Variants in MIGA1 observed in about 807,000 individuals in gnomAD.
MIGA1 encodes family with sequence similarity 73, member A.
In MIGA1, 58 loss-of-function variants were observed where a neutral mutation model predicts 82.0. That is an observed-to-expected ratio of 0.71 (90% CI 0.57 to 0.88). The LOEUF (loss-of-function observed/expected upper bound fraction) is 0.88, where lower values mean the gene tolerates loss of function less well. MIGA1 is among the 40% of genes least tolerant of loss of function. The pLI, the probability that MIGA1 is intolerant of heterozygous loss-of-function variation, is 0.00. For missense variants in MIGA1, 751 were observed against 749.1 expected (o/e 1.00, Z -0.03); for synonymous variants, 249 against 253.6 (o/e 0.98, Z 0.17).
intron 7 of MIGA1, among the ~76,000 whole-genome samples, chr1:77,817,694 A>G (rs1462878490): frequency 6.6e-6 from 1 of 152,198 alleles, no homozygotes; most frequent in Non-Finnish European, 1.5e-5. Context: ...ACATTGATCA[A>G]AATTGCCTAG....
intron 7 of MIGA1, among the ~76,000 whole-genome samples, chr1:77,834,823 G>A (rs935245967): frequency 5.3e-5 from 8 of 152,162 alleles, no homozygotes; most frequent in African/African-American, 1.7e-4. Context: ...CTTTTCCATT[G>A]TTAATAAAAG....
At chr1:77,857,975 G>A (rs1447421195) in intron 8 of MIGA1, among the ~76,000 whole-genome samples, 1 of 152,068 alleles carries the variant, frequency 6.6e-6, no homozygotes, top group African/African-American at 2.4e-5. Flanking sequence ...TATAATACTT[G>A]TAAGTAATCT....
At chr1:77,871,073 G>A (rs76386311) in intron 14 of MIGA1, among the ~76,000 whole-genome samples, 3 of 140,048 alleles carry the variant, frequency 2.1e-5, no homozygotes, top group Non-Finnish European at 3.1e-5. Context: ...GAGGGAGACC[G>A]TGGAAGGAGA....
intron 8 of MIGA1, among the ~76,000 whole-genome samples, chr1:77,853,196 TA>T (rs1472291327): frequency 2.0e-5 from 3 of 152,136 alleles, no homozygotes; most frequent in Non-Finnish European, 2.9e-5. Flanking sequence ...TGAAAATGGA[TA>T]AAAGACTTGC....
intron 7 of MIGA1, among the ~76,000 whole-genome samples, chr1:77,834,020 T>A (rs1684338106): frequency 6.6e-6 from 1 of 152,252 alleles, no homozygotes; most frequent in African/African-American, 2.4e-5. Context: ...CAGAGACAAC[T>A]ATTGTGGAAA....
At chr1:77,827,005 C>T (rs1214061254) in intron 7 of MIGA1, among the ~76,000 whole-genome samples, 1 of 148,102 alleles carries the variant, frequency 6.8e-6, no homozygotes, top group Admixed American at 6.8e-5. Context: ...TGGGATTTCA[C>T]CATGTTGGCC....
chr1:77,859,993 C>T, intron 10 of MIGA1, 47 bp from the exon 11 acceptor site: 7 of 1,237,084 alleles, frequency 5.7e-6, no homozygotes, highest in South Asian at 2.6e-5. Context: ...TGTCCATTCA[C>T]ATTCATTATA....
At chr1:77,844,296 A>C in intron 8 of MIGA1, among the ~76,000 whole-genome samples, 1 of 74,064 alleles carries the variant, frequency 1.4e-5, no homozygotes, top group Non-Finnish European at 4.4e-5. Flanking sequence ...AAAGCTATAA[A>C]CATGTTTCCA....
At chr1:77,805,211 G>A (rs999765453) in intron 4 of MIGA1, among the ~76,000 whole-genome samples, 1 of 151,672 alleles carries the variant, frequency 6.6e-6, no homozygotes, top group Admixed American at 6.6e-5. Flanking sequence ...TAGCCAGGAT[G>A]GTCTTGATCT....
chr1:77,873,128 C>T lies in MIGA1; in HGVS notation c.1680+8C>T. The T allele has an allele frequency of 1.2e-6, 2 of 1,606,592 alleles. 1 individual carries two copies. Among genetic ancestry groups the T allele is most frequent in the South Asian group, 2.2e-5 (2 of 89,996 alleles). ...TTATGTTGCTTTTTTAAGGTATGTT[C>T]AGTCATTGAATCATTTCTCTTTTTT... On this transcript the variant is annotated splice_region_variant and intron_variant, in intron 15 of 15. Coordinates refer to ENST00000370791, the MANE Select transcript of MIGA1 (RefSeq NM_198549.4).
intron 5 of MIGA1, chr1:77,811,559 C>T: frequency 6.2e-7 from 1 of 1,610,400 alleles, no homozygotes; most frequent in Admixed American, 1.7e-5. Context: ...TGTAAAGCTG[C>T]ACTTCGCAAT....
chr1:77,808,708 AAAAC>A (rs1289851211), intron 5 of MIGA1, among the ~76,000 whole-genome samples: 1 of 152,204 alleles, frequency 6.6e-6, no homozygotes, highest in Non-Finnish European at 1.5e-5. Context: ...TACTAAATAA[AAAAC>A]AAAACCAGTA....
Position 77,872,877 on chromosome 1 carries a change from G to A in MIGA1, c.1564-127G>A. On this transcript the variant is annotated intron_variant, in intron 14 of 15. Transcript: ENST00000370791. ...GAGTTTGAGGTGTTGCTAGACTCTG[G>A]TTCTAAAAAACAAATTTTCTTAAAC... 3 of 1,208,054 alleles carry A rather than the reference G, an allele frequency of 2.5e-6. No individual in the cohort carries two copies. In the South Asian group the frequency reaches 3.8e-5, roughly 16 times the overall value. The allele number at this position is 1,208,054 out of a possible 1,614,324, so 74.8% of individuals were successfully genotyped here.
At chr1:77,832,042 T>C (rs1021855087) in intron 7 of MIGA1, among the ~76,000 whole-genome samples, 1 of 152,236 alleles carries the variant, frequency 6.6e-6, no homozygotes, top group African/African-American at 2.4e-5. Context: ...GTAGTTACAC[T>C]TCCTGTGAAG....
At chr1:77,872,875 T>C in intron 14 of MIGA1, 129 bp from the exon 15 acceptor site, 3 of 1,141,512 alleles carry the variant, frequency 2.6e-6, no homozygotes, top group South Asian at 2.6e-5. Flanking sequence ...TGCTAGACTC[T>C]GGTTCTAAAA....
At chr1:77,850,950 A>G (rs1435571370) in intron 8 of MIGA1, among the ~76,000 whole-genome samples, 1 of 151,460 alleles carries the variant, frequency 6.6e-6, no homozygotes. Context: ...CCTCACTGCA[A>G]CCTCTACCTC....
At chr1:77,841,807 CT>C (rs879895524) in intron 7 of MIGA1, among the ~76,000 whole-genome samples, 52 of 142,748 alleles carry the variant, frequency 3.6e-4, no homozygotes, top group East Asian at 4.1e-4. Context: ...TTTTTTCTTT[CT>C]TTTTTTTTTT....
intron 2 of MIGA1, among the ~76,000 whole-genome samples, chr1:77,800,198 G>A (rs1412699945): frequency 6.6e-6 from 1 of 152,088 alleles, no homozygotes; most frequent in Admixed American, 6.5e-5. Flanking sequence ...TATTTTCTAC[G>A]AGTGCCTGGT....
intron 2 of MIGA1, among the ~76,000 whole-genome samples, chr1:77,791,262 A>AC (rs1407285763): frequency 4.0e-5 from 6 of 148,628 alleles, no homozygotes; most frequent in Admixed American, 1.3e-4. Flanking sequence ...AAAAAAAAAA[A>AC]AAACAAAAAA....
Sources: allele counts gnomAD v4.1 joint callset (sites outside exome capture counted in the v4.1 genomes callset), GRCh38; gene constraint gnomAD v4.1.1; transcripts MANE v1.5; gene names NCBI Gene and HGNC (gene_info 2026-07-23, HGNC 2026-07-21).